Variants in DNAJC25 observed in about 807,000 individuals in gnomAD.
The protein encoded by DNAJC25 is DnaJ heat shock protein family (Hsp40) member C25.
DNAJC25 carries 26 observed loss-of-function variants against 42.1 expected under a neutral mutation model. That is an observed-to-expected ratio of 0.62 (90% CI 0.45 to 0.86). The LOEUF (loss-of-function observed/expected upper bound fraction) is 0.86, where lower values mean the gene tolerates loss of function less well. DNAJC25 is among the 40% of genes least tolerant of loss of function. The pLI is 0.00. For synonymous variants in DNAJC25, 189 were observed against 179.9 expected (o/e 1.05, Z -0.40); for missense variants, 404 against 459.4 (o/e 0.88, Z 1.10).
intron 2 of DNAJC25, among the ~76,000 whole-genome samples, chr9:111,647,863 C>T (rs1830590851): frequency 6.6e-6 from 1 of 152,134 alleles, no homozygotes; most frequent in South Asian, 2.1e-4. Context: ...ACTGCAACCT[C>T]CGCCTCCTGG....
At chr9:111,632,070 G>A (rs937358044) in intron 1 of DNAJC25, among the ~76,000 whole-genome samples, 2 of 152,242 alleles carry the variant, frequency 1.3e-5, no homozygotes, top group Non-Finnish European at 2.9e-5. Context: ...ATTATTAGTA[G>A]GATCTGGGGT....
chr9:111,641,313 GC>G (rs1830457833), intron 1 of DNAJC25, among the ~76,000 whole-genome samples: 2 of 128,642 alleles, frequency 1.6e-5, no homozygotes, highest in African/African-American at 6.2e-5. Context: ...GAAGTGAGGA[GC>G]CCCTCTGCCC....
At chr9:111,638,069 T>A (rs931744472) in intron 1 of DNAJC25, among the ~76,000 whole-genome samples, 1 of 152,220 alleles carries the variant, frequency 6.6e-6, no homozygotes, top group Non-Finnish European at 1.5e-5. Flanking sequence ...CAGCTGCCTC[T>A]CCTCTGTAGC....
intron 1 of DNAJC25, chr9:111,642,760 G>C (rs190531463): frequency 2.3e-6 from 1 of 429,802 alleles, no homozygotes; most frequent in South Asian, 1.7e-5. Context: ...CTCTGGGGAG[G>C]GGGGATGACC....
chr9:111,648,573 A>T (rs753237946), intron 2 of DNAJC25, among the ~76,000 whole-genome samples: 1 of 152,168 alleles, frequency 6.6e-6, no homozygotes, highest in Non-Finnish European at 1.5e-5. Flanking sequence ...CTTGGCCGAC[A>T]TTCAATTTTT....
chr9:111,643,241 T>C, intron 1 of DNAJC25: 1 of 230,682 alleles, frequency 4.3e-6, no homozygotes. Context: ...GATGGAGACC[T>C]ATGTAGTGGA....
At chr9:111,646,782 G>A (rs1364209968) in intron 1 of DNAJC25, among the ~76,000 whole-genome samples, 1 of 152,148 alleles carries the variant, frequency 6.6e-6, no homozygotes, top group African/African-American at 2.4e-5. Context: ...ACAGTTAAGA[G>A]TAGTTGTGAA....
intron 1 of DNAJC25, among the ~76,000 whole-genome samples, chr9:111,641,169 A>G (rs1589343591): frequency 3.0e-5 from 3 of 98,644 alleles, no homozygotes; most frequent in African/African-American, 9.1e-5. Context: ...CCCATCCGGG[A>G]GGGAGGTGGG....
chr9:111,647,369 T>C (rs1051484664), intron 2 of DNAJC25, 110 bp downstream of exon 2: 2 of 1,373,626 alleles, frequency 1.5e-6, no homozygotes, highest in Non-Finnish European at 2.0e-6. Flanking sequence ...ATTTTACTTC[T>C]AGTTGAGATC....
At chr9:111,646,103 A>G (rs1417342827) in intron 1 of DNAJC25, among the ~76,000 whole-genome samples, 3 of 152,178 alleles carry the variant, frequency 2.0e-5, no homozygotes, top group African/African-American at 4.8e-5. Context: ...AATGGTTTTT[A>G]TTATACTCAT....
chr9:111,643,459 G>A (rs995108242), intron 1 of DNAJC25, among the ~76,000 whole-genome samples: 2 of 152,186 alleles, frequency 1.3e-5, no homozygotes, highest in Non-Finnish European at 2.9e-5. Flanking sequence ...CGATCCAACT[G>A]TCTGGGGCAG....
chr9:111,639,057 C>A (rs899780646), intron 1 of DNAJC25, among the ~76,000 whole-genome samples: 1 of 152,116 alleles, frequency 6.6e-6, no homozygotes, highest in Non-Finnish European at 1.5e-5. Flanking sequence ...TTACTTGTTT[C>A]CGAGATCCAG....
chr9:111,636,108 G>C (rs1830359003), intron 1 of DNAJC25, among the ~76,000 whole-genome samples: 1 of 152,226 alleles, frequency 6.6e-6, no homozygotes, highest in African/African-American at 2.4e-5. Context: ...AGTCTGTGCA[G>C]ATTATATTGC....
chr9:111,651,302 C>T (rs535802482), intron 3 of DNAJC25, among the ~76,000 whole-genome samples: 1 of 150,820 alleles, frequency 6.6e-6, no homozygotes, highest in Admixed American at 6.6e-5. Context: ...TTAGTTACAG[C>T]GTACCAGTTA....
rs1257926707 is a variant in DNAJC25 at position 111,644,887 on chromosome 9, A to G, written c.337-2220A>G. ...AGACACATGAAGAGACACAGGCTTT[A>G]GTCTTCAGCGCTGTCTGTGTGATCC... On this transcript the variant is annotated intron_variant, in intron 1 of 3. Coordinates refer to ENST00000313525, the MANE Select transcript of DNAJC25 (RefSeq NM_001015882.3). Among the ~76,000 whole-genome samples, 3 of 152,252 alleles carry G rather than the reference A, an allele frequency of 2.0e-5. No homozygotes were observed. The East Asian group carries it at 5.8e-4, about 29-fold the overall frequency.
At chr9:111,648,474 T>G (rs1438931085) in intron 2 of DNAJC25, among the ~76,000 whole-genome samples, 1 of 151,964 alleles carries the variant, frequency 6.6e-6, no homozygotes, top group Non-Finnish European at 1.5e-5. Context: ...TTTGCCGTGT[T>G]GCCCAGGCTG....
At position 111,653,985 on chromosome 9, in the gene DNAJC25, T is replaced by A. The variant is rs1284807379; in HGVS notation, c.*763T>A. 1 of 152,622 alleles carries A rather than the reference T, an allele frequency of 6.6e-6. No homozygotes were observed. Among genetic ancestry groups the A allele is most frequent in the African/African-American group, 2.4e-5 (1 of 41,448 alleles). The allele number at this position is 152,622 out of a possible 1,614,324, so 9.5% of individuals were successfully genotyped here. ...AGAAAGGACCTTGTAAAAAGGTCTT[T>A]TGTACCACAGTATTGGTTTTTTCCC... is the stretch of plus-strand genomic sequence containing the variant. On this transcript the variant is annotated 3_prime_UTR_variant, in exon 4 of 4. Coordinates refer to ENST00000313525, the MANE Select transcript of DNAJC25 (RefSeq NM_001015882.3).
chr9:111,647,069 G>T, intron 1 of DNAJC25, 38 bp from the exon 2 acceptor site: 1 of 1,580,066 alleles, frequency 6.3e-7, no homozygotes. Flanking sequence ...CCATTTAATG[G>T]ACTGTCCTAT....
At chr9:111,644,977 C>T (rs7350199) in intron 1 of DNAJC25, among the ~76,000 whole-genome samples, 41,561 of 152,050 alleles carry the variant, frequency 0.27, 6,219 homozygotes, top group East Asian at 0.44. Context: ...AAGAAGGAGT[C>T]ACGGATTGAC....
Sources: gnomAD v4.1 joint callset for allele counts (sites outside exome capture counted in the v4.1 genomes callset) on GRCh38, gnomAD v4.1.1 for gene constraint, MANE v1.5 for transcripts, NCBI Gene and HGNC (gene_info 2026-07-23, HGNC 2026-07-21) for gene names.